Variants in ACSS3 observed in about 807,000 individuals in gnomAD.
ACSS3 encodes the protein acyl-CoA synthetase short-chain family member 3, mitochondrial.
Under a neutral mutation model 84.2 loss-of-function variants are expected in ACSS3, and 64 were observed. That is an observed-to-expected ratio of 0.76 (90% CI 0.62 to 0.94). The LOEUF (loss-of-function observed/expected upper bound fraction) is 0.94, where lower values mean the gene tolerates loss of function less well. ACSS3 is among the 40% of genes least tolerant of loss of function. ACSS3 has a pLI of 0.00. For missense variants in ACSS3, 815 were observed against 867.6 expected (o/e 0.94, Z 0.76); for synonymous variants, 317 against 310.1 (o/e 1.02, Z -0.23).
At chr12:81,186,389 A>T (rs1184733676) in intron 8 of ACSS3, among the ~76,000 whole-genome samples, 1 of 151,872 alleles carries the variant, frequency 6.6e-6, no homozygotes, top group Non-Finnish European at 1.5e-5. Flanking sequence ...AGCTCTGCAC[A>T]GCAAAGGAAA....
chr12:81,160,490 C>T (rs562080147), intron 7 of ACSS3, among the ~76,000 whole-genome samples: 5 of 152,308 alleles, frequency 3.3e-5, no homozygotes, highest in African/African-American at 9.6e-5. Context: ...GAAATACTAA[C>T]ATATGTGTGG....
At chr12:81,110,588 C>G (rs1362800669) in intron 2 of ACSS3, among the ~76,000 whole-genome samples, 1 of 152,156 alleles carries the variant, frequency 6.6e-6, no homozygotes, top group African/African-American at 2.4e-5. Flanking sequence ...CAGGATTTCT[C>G]AACTTTGGCA....
In ACSS3 at chr12:81,200,889, CA is replaced by C. The variant is rs35916130; in HGVS notation, c.1354+1462del. On this transcript the variant is annotated intron_variant, in intron 9 of 15. Coordinates refer to ENST00000548058, the MANE Select transcript of ACSS3 (RefSeq NM_024560.4). ...AGCCTGGGCAACAGAGCAAGACTGTCAAAAAAAAAAAAAAAAAGAAAAAGAA... is the reference window on the plus strand; with the variant it reads ...AGCCTGGGCAACAGAGCAAGACTGTCAAAAAAAAAAAAAAAAGAAAAAGAA... Among the ~76,000 whole-genome samples, 471 of 56,488 alleles carry C rather than the reference CA, an allele frequency of 8.3e-3. 1 individual carries two copies. Among genetic ancestry groups the C allele is most frequent in the Middle Eastern group, 0.02 (2 of 102 alleles). The allele number at this position is 56,488 out of a possible 152,430, so 37.1% of individuals were successfully genotyped here. A position where few individuals can be genotyped will look rare whatever the true frequency, so the allele number is the denominator to read the frequency against.
chr12:81,238,733 G>A (rs759053614), intron 13 of ACSS3, among the ~76,000 whole-genome samples: 1 of 151,382 alleles, frequency 6.6e-6, no homozygotes, highest in Non-Finnish European at 1.5e-5. Context: ...TCTGGTTTTA[G>A]TAATTTGTCT....
intron 2 of ACSS3, among the ~76,000 whole-genome samples, chr12:81,127,675 C>T (rs1420044292): frequency 6.6e-6 from 1 of 152,068 alleles, no homozygotes; most frequent in Non-Finnish European, 1.5e-5. Flanking sequence ...AACATTGTGG[C>T]ATTTTGAAAA....
chr12:81,240,641 C>A (rs1797449729), intron 13 of ACSS3, among the ~76,000 whole-genome samples: 1 of 151,726 alleles, frequency 6.6e-6, no homozygotes, highest in South Asian at 2.1e-4. Flanking sequence ...TCTTTCTCTG[C>A]ATTTTGTGGT....
intron 8 of ACSS3, among the ~76,000 whole-genome samples, chr12:81,196,180 A>C (rs1205192889): frequency 6.6e-6 from 1 of 152,112 alleles, no homozygotes; most frequent in African/African-American, 2.4e-5. Context: ...ATTAAATTAA[A>C]ATTTTTCTTC....
At chr12:81,191,388 T>G (rs145235365) in intron 8 of ACSS3, among the ~76,000 whole-genome samples, 69 of 152,240 alleles carry the variant, frequency 4.5e-4, no homozygotes, top group African/African-American at 1.6e-3. Flanking sequence ...TCAAGATTGA[T>G]CTCTAATTTT....
intron 13 of ACSS3, among the ~76,000 whole-genome samples, chr12:81,235,489 A>C (rs555850754): frequency 3.3e-5 from 5 of 151,320 alleles, no homozygotes; most frequent in African/African-American, 1.2e-4. Flanking sequence ...TTCCACATAC[A>C]TATTAGCATA....
At chr12:81,250,442 A>T (rs1363861783) in intron 13 of ACSS3, among the ~76,000 whole-genome samples, 1 of 152,114 alleles carries the variant, frequency 6.6e-6, no homozygotes, top group Admixed American at 6.6e-5. Flanking sequence ...ATATTATATT[A>T]TAGGAAATGT....
chr12:81,146,068 G>A (rs965577303), intron 5 of ACSS3, among the ~76,000 whole-genome samples: 2 of 151,808 alleles, frequency 1.3e-5, no homozygotes, highest in African/African-American at 4.8e-5. Context: ...AGTTTTTATG[G>A]CACTTATTTT....
rs1029959265 is a variant in ACSS3 at position 81,256,269 on chromosome 12, T to C, written c.*1347T>C. ...AAAACAAAGAATCCTGGTTTTTATG[T>C]GAAATCTCTAATTTTAAAATAATAA... On this transcript the variant is annotated 3_prime_UTR_variant, in exon 16 of 16. Coordinates refer to ENST00000548058, the MANE Select transcript of ACSS3 (RefSeq NM_024560.4). 4.6e-5 allele frequency: 7 copies of C among 152,182 alleles called. No homozygotes were observed. The highest frequency in any genetic ancestry group is 1.7e-4 in the African/African-American group (7 of 41,458). 9.4% of individuals were successfully genotyped at this position (152,182 alleles called of 1,614,324 possible).
At chr12:81,181,197 T>C (rs1474865876) in intron 8 of ACSS3, among the ~76,000 whole-genome samples, 1 of 152,112 alleles carries the variant, frequency 6.6e-6, no homozygotes, top group East Asian at 1.9e-4. Flanking sequence ...TCTAAAGCCC[T>C]TATCATAATA....
intron 13 of ACSS3, among the ~76,000 whole-genome samples, chr12:81,244,483 C>T (rs954200902): frequency 2.0e-5 from 3 of 152,008 alleles, no homozygotes; most frequent in African/African-American, 7.2e-5. Flanking sequence ...CCTCTCATTA[C>T]CGCTATTATG....
intron 5 of ACSS3, among the ~76,000 whole-genome samples, chr12:81,150,632 C>T (rs1394726591): frequency 6.6e-6 from 1 of 152,190 alleles, no homozygotes; most frequent in Non-Finnish European, 1.5e-5. Flanking sequence ...CAAATACCAA[C>T]AACACTGCAT....
intron 8 of ACSS3, among the ~76,000 whole-genome samples, chr12:81,181,811 G>C (rs1019644237): frequency 1.3e-5 from 1 of 78,286 alleles, no homozygotes; most frequent in Non-Finnish European, 2.6e-5. Flanking sequence ...AGCCAAAAAA[G>C]AATCTGTGAA....
intron 5 of ACSS3, among the ~76,000 whole-genome samples, chr12:81,148,726 G>A (rs1886461449): frequency 6.6e-6 from 1 of 151,756 alleles, no homozygotes. Context: ...GAGAATATAT[G>A]AGATCATCTA....
chr12:81,085,383 G>A (rs148580611), intron 1 of ACSS3, among the ~76,000 whole-genome samples: 1 of 152,314 alleles, frequency 6.6e-6, no homozygotes, highest in Non-Finnish European at 1.5e-5. Flanking sequence ...AAAGGGAAAA[G>A]ATAATGAATA....
At chr12:81,229,829 G>T (rs2033394136) in intron 11 of ACSS3, among the ~76,000 whole-genome samples, 1 of 151,934 alleles carries the variant, frequency 6.6e-6, no homozygotes, top group Non-Finnish European at 1.5e-5. Context: ...AACTCCGCAG[G>T]ATCACTACTG....
Sources: gnomAD v4.1 joint callset for allele counts (sites outside exome capture counted in the v4.1 genomes callset) on GRCh38, gnomAD v4.1.1 for gene constraint, MANE v1.5 for transcripts, NCBI Gene and HGNC (gene_info 2026-07-23, HGNC 2026-07-21) for gene names.